Variants in TOMM20L observed in about 807,000 individuals in gnomAD.
TOMM20L encodes TOMM20-like protein 1.
Under a neutral mutation model 20.4 loss-of-function variants are expected in TOMM20L, and 19 were observed. The observed-to-expected ratio is 0.93, with a 90% CI of 0.65 to 1.36. The LOEUF (loss-of-function observed/expected upper bound fraction) is 1.36, where lower values mean the gene tolerates loss of function less well. Ranked by LOEUF, TOMM20L falls within the 40% of genes most tolerant of loss-of-function variation. The pLI is 0.00. For missense variants in TOMM20L, 218 were observed against 203.7 expected (o/e 1.07, Z -0.43); for synonymous variants, 75 against 79.6 (o/e 0.94, Z 0.30).
chr14:58,407,926 A>G (rs2036087235), intron 4 of TOMM20L, among the ~76,000 whole-genome samples: 2 of 152,194 alleles, frequency 1.3e-5, no homozygotes, highest in Admixed American at 1.3e-4. Flanking sequence ...GCTTGGATTC[A>G]TTTCAGGATT....
intron 4 of TOMM20L, 68 bp downstream of exon 4, chr14:58,407,536 A>G: frequency 1.3e-6 from 2 of 1,486,718 alleles, no homozygotes; most frequent in Non-Finnish European, 1.8e-6. Flanking sequence ...TTGACTACAC[A>G]GAAATATCAA....
downstream of TOMM20L, chr14:58,410,944 A>G (rs757764649): frequency 4.4e-6 from 7 of 1,595,888 alleles, no homozygotes; most frequent in South Asian, 6.8e-5. Flanking sequence ...TTAAACTACA[A>G]ACAAACCAGA....
At chr14:58,397,703 G>A (rs904590840) in intron 2 of TOMM20L, among the ~76,000 whole-genome samples, 1 of 152,164 alleles carries the variant, frequency 6.6e-6, no homozygotes, top group Non-Finnish European at 1.5e-5. Context: ...GGTAAGGTTG[G>A]AGAGCGAAAG....
chr14:58,415,986 CG>C, the TOMM20L span, among the ~76,000 whole-genome samples: 1 of 149,732 alleles, frequency 6.7e-6, no homozygotes, highest in Non-Finnish European at 1.5e-5. Flanking sequence ...GAGGCCAAAG[CG>C]GGTGGGTCGA....
In TOMM20L at chr14:58,405,379, G is replaced by A. The variant is rs552240721; in HGVS notation, c.263-1947G>A. ...AAGTCAGAAGAAAAAAGATGATAAC[G>A]TATTTTATCATCACATTTTATTCCT... On this transcript the variant is annotated intron_variant, in intron 3 of 4. Coordinates refer to ENST00000360945, the MANE Select transcript of TOMM20L (RefSeq NM_207377.3). Among the ~76,000 whole-genome samples, 6 of 152,282 alleles carry A rather than the reference G, an allele frequency of 3.9e-5. No individual in the cohort carries two copies. In the East Asian group the frequency reaches 5.8e-4, roughly 15 times the overall value.
chr14:58,405,889 T>A (rs2036051207), intron 3 of TOMM20L, among the ~76,000 whole-genome samples: 1 of 152,258 alleles, frequency 6.6e-6, no homozygotes, highest in African/African-American at 2.4e-5. Flanking sequence ...TCTTTAATTC[T>A]TCATCAAACC....
At chr14:58,403,711 G>A (rs1438790201) in intron 3 of TOMM20L, among the ~76,000 whole-genome samples, 2 of 151,866 alleles carry the variant, frequency 1.3e-5, no homozygotes, top group East Asian at 2.0e-4. Flanking sequence ...GGTGGTGGGC[G>A]CCTGTAGTCC....
downstream of TOMM20L, chr14:58,409,258 T>G: frequency 1.9e-5 from 28 of 1,448,108 alleles, no homozygotes; most frequent in Non-Finnish European, 2.5e-5. Flanking sequence ...TGGGGTAGTT[T>G]GCTTTTCTTT....
the TOMM20L span, among the ~76,000 whole-genome samples, chr14:58,416,055 A>G: frequency 7.0e-5 from 8 of 114,680 alleles, no homozygotes; most frequent in Non-Finnish European, 1.3e-4. Context: ...GTCCCTACTG[A>G]AAAAAAAAAA....
At chr14:58,410,562 G>GAAA (rs1835454258), downstream of TOMM20L, among the ~76,000 whole-genome samples, 3 of 152,224 alleles carry the variant, frequency 2.0e-5, no homozygotes, top group South Asian at 6.2e-4. Context: ...CATCTTGGCT[G>GAAA]AAAGCTAATT....
intron 3 of TOMM20L, among the ~76,000 whole-genome samples, chr14:58,404,161 G>A (rs1336077119): frequency 1.4e-5 from 1 of 73,176 alleles, no homozygotes; most frequent in Non-Finnish European, 2.5e-5. Context: ...ACGGAGTCTC[G>A]CTCTGTCGCC....
At chr14:58,409,450 A>C (rs1315777160), downstream of TOMM20L, among the ~76,000 whole-genome samples, 1 of 152,226 alleles carries the variant, frequency 6.6e-6, no homozygotes, top group Non-Finnish European at 1.5e-5. Context: ...CAAGTGTATT[A>C]AGTGAAAGCC....
chr14:58,399,579 C>T (rs1246416320), intron 2 of TOMM20L, among the ~76,000 whole-genome samples: 1 of 151,976 alleles, frequency 6.6e-6, no homozygotes, highest in Non-Finnish European at 1.5e-5. Context: ...CTGTATTCTT[C>T]CCCCTCTCCC....
downstream of TOMM20L, chr14:58,409,203 C>T (rs1479126219): frequency 2.5e-6 from 4 of 1,594,740 alleles, no homozygotes; most frequent in Non-Finnish European, 2.6e-6. Flanking sequence ...AGAGGCAACA[C>T]AAAAATATGA....
At chr14:58,414,795 A>T in the TOMM20L span, among the ~76,000 whole-genome samples, 1 of 151,910 alleles carries the variant, frequency 6.6e-6, no homozygotes, top group African/African-American at 2.4e-5. Context: ...ACTGACATTT[A>T]AAAAAATGTC....
chr14:58,404,138 TTTTTTTTTG>T lies in TOMM20L; in HGVS notation c.262+1378_262+1386del, dbSNP rs1266756704. Among the ~76,000 whole-genome samples the T allele has an allele frequency of 1.3e-3, 17 of 12,722 alleles. 5 individuals carry two copies. The highest frequency in any genetic ancestry group is 0.011 in the East Asian group (2 of 178). 8.3% of individuals were successfully genotyped at this position (12,722 alleles called of 152,430 possible). On this transcript the variant is annotated intron_variant, in intron 3 of 4. Transcript: ENST00000360945. ...ATATATATTTTTTTTTTTTTTTTTT[TTTTTTTTTG>T]GAGACGGAGTCTCGCTCTGTCGCCC...
downstream of TOMM20L, chr14:58,409,044 T>C: frequency 6.2e-7 from 1 of 1,612,508 alleles, no homozygotes; most frequent in Non-Finnish European, 8.5e-7. Flanking sequence ...CTATCGTGGT[T>C]GGCCAAGGAG....
At chr14:58,407,514 G>A (rs781105113) in intron 4 of TOMM20L, 46 bp downstream of exon 4, 1 of 1,543,738 alleles carries the variant, frequency 6.5e-7, no homozygotes, top group Non-Finnish European at 8.7e-7. Flanking sequence ...ACAGTAAATA[G>A]CTATGTTATG....
Position 58,407,415 on chromosome 14 carries a change from C to G in TOMM20L, c.352C>G (p.Leu118Val). 1 of 1,613,948 alleles carries G rather than the reference C, an allele frequency of 6.2e-7. No homozygotes were observed. Among genetic ancestry groups the G allele is most frequent in the Non-Finnish European group, 8.5e-7 (1 of 1,179,952 alleles). Residue 118 changes from leucine (L) to valine (V), a missense_variant, in exon 4 of 5, where the codon CTC (leucine) becomes GTC (valine). Coordinates refer to ENST00000360945, the MANE Select transcript of TOMM20L (RefSeq NM_207377.3). Reference sequence around the variant, plus strand: ...ACTTCTGAAAGTTTTCAAACACACTCTCCCTCCCAAGGTATTTGAGATGCT... The same window carrying G: ...ACTTCTGAAAGTTTTCAAACACACTGTCCCTCCCAAGGTATTTGAGATGCT... ...RELLKVFKHT[L>V]PPKVFEMLLH...
Sources: gnomAD v4.1 joint callset for allele counts (sites outside exome capture counted in the v4.1 genomes callset) on GRCh38, gnomAD v4.1.1 for gene constraint, MANE v1.5 for transcripts, NCBI Gene and HGNC (gene_info 2026-07-23, HGNC 2026-07-21) for gene names.